The following ATP10B variants were observed in gnomAD, a reference collection of about 807,000 sequenced individuals.
ATP10B encodes phospholipid-transporting ATPase VB.
In ATP10B, 122 loss-of-function variants were observed where a neutral mutation model predicts 141.2. That is an observed-to-expected ratio of 0.86 (90% confidence interval 0.75 to 1.00). The LOEUF (loss-of-function observed/expected upper bound fraction) is 1.00. ATP10B is among the 50% of genes least tolerant of loss of function. The pLI is 0.00. For missense variants in ATP10B, 1,876 were observed against 1,825.3 expected (o/e 1.03, Z -0.51); for synonymous variants, 685 against 692.0 (o/e 0.99, Z 0.16).
At chr5:160,923,105 G>A in the ATP10B span, among the ~76,000 whole-genome samples, 3 of 152,220 alleles carry the variant, frequency 2.0e-5, no homozygotes, top group Non-Finnish European at 2.9e-5. Context: ...ATGAGCTGTG[G>A]CCAGGGCATG....
chr5:160,631,430 T>A (rs76002214), intron 13 of ATP10B, among the ~76,000 whole-genome samples: 1 of 152,142 alleles, frequency 6.6e-6, no homozygotes. Context: ...GAAAGGACAA[T>A]ACGCAGAAAG....
At chr5:160,697,259 T>C (rs552319325) in intron 3 of ATP10B, among the ~76,000 whole-genome samples, 3 of 152,268 alleles carry the variant, frequency 2.0e-5, no homozygotes, top group South Asian at 2.1e-4. Context: ...AGTTTTGTAG[T>C]GTGGACCTGC....
Position 160,565,100 on chromosome 5 carries a change from C to T in ATP10B, c.*353G>A, listed in dbSNP as rs972017920. On this transcript the variant is annotated 3_prime_UTR_variant, in exon 26 of 26. Coordinates refer to ENST00000327245, the MANE Select transcript of ATP10B (RefSeq NM_025153.3). ...AGATATTGCCTGGGTTGATACACTTCTTGAATCTTGGAAACTTACGGCACT... is the reference window on the plus strand; with the variant it reads ...AGATATTGCCTGGGTTGATACACTTTTTGAATCTTGGAAACTTACGGCACT... 1 of 237,040 alleles carries T rather than the reference C, an allele frequency of 4.2e-6. No individual in the cohort carries two copies. Among genetic ancestry groups the T allele is most frequent in the East Asian group, 9.9e-5 (1 of 10,096 alleles). The allele number at this position is 237,040 out of a possible 1,614,324, so 14.7% of individuals were successfully genotyped here.
chr5:160,913,746 C>A, the ATP10B span, among the ~76,000 whole-genome samples: 1 of 152,138 alleles, frequency 6.6e-6, no homozygotes, highest in Non-Finnish European at 1.5e-5. Flanking sequence ...AAACCTCGCA[C>A]TGATAACAAT....
chr5:160,786,179 T>C (rs1771133229), intron 1 of ATP10B, among the ~76,000 whole-genome samples: 1 of 152,052 alleles, frequency 6.6e-6, no homozygotes, highest in Non-Finnish European at 1.5e-5. Flanking sequence ...GTTCTGAAAC[T>C]TGTGTTGAAA....
intron 2 of ATP10B, among the ~76,000 whole-genome samples, chr5:160,744,796 G>T (rs115228911): frequency 6.6e-6 from 1 of 152,192 alleles, no homozygotes; most frequent in Non-Finnish European, 1.5e-5. Context: ...TTAAGTCTCC[G>T]TAGATAGTAA....
intron 1 of ATP10B, among the ~76,000 whole-genome samples, chr5:160,822,991 TATATATATAC>T (rs1162381146): frequency 0.034 from 2,622 of 77,974 alleles, 30 homozygotes; most frequent in African/African-American, 0.047. Flanking sequence ...TACATATACA[TATATATATAC>T]ATATATATAT....
At chr5:160,913,382 C>T in the ATP10B span, among the ~76,000 whole-genome samples, 2 of 152,174 alleles carry the variant, frequency 1.3e-5, no homozygotes, top group South Asian at 2.1e-4. Context: ...CCTCCTTCAG[C>T]ATTTTGTTGG....
chr5:160,723,806 T>C (rs930485127), intron 2 of ATP10B, among the ~76,000 whole-genome samples: 4 of 152,192 alleles, frequency 2.6e-5, no homozygotes, highest in African/African-American at 9.7e-5. Flanking sequence ...TTTTGCCTCC[T>C]GAGTCTGTGC....
chr5:160,628,258 A>C (rs1397266540), intron 13 of ATP10B, among the ~76,000 whole-genome samples: 1 of 152,196 alleles, frequency 6.6e-6, no homozygotes, highest in South Asian at 2.1e-4. Flanking sequence ...GTCAGTTCCC[A>C]CCTCTTGTGA....
At chr5:160,695,585 G>A (rs536417198) in intron 3 of ATP10B, among the ~76,000 whole-genome samples, 24 of 152,062 alleles carry the variant, frequency 1.6e-4, no homozygotes, top group African/African-American at 5.8e-4. Context: ...AGTCTTCTGT[G>A]GCTACAGTAA....
intron 21 of ATP10B, among the ~76,000 whole-genome samples, chr5:160,601,963 C>T (rs1384488684): frequency 1.3e-5 from 2 of 152,332 alleles, no homozygotes; most frequent in East Asian, 1.9e-4. Flanking sequence ...CACCCTCACT[C>T]TCCCAAGGCA....
At chr5:160,581,594 G>A (rs1380343524) in intron 24 of ATP10B, among the ~76,000 whole-genome samples, 2 of 152,206 alleles carry the variant, frequency 1.3e-5, no homozygotes, top group Admixed American at 1.3e-4. Context: ...TAGAATAAGT[G>A]TGATGTGGTG....
intron 24 of ATP10B, among the ~76,000 whole-genome samples, chr5:160,574,595 T>C (rs1424404470): frequency 6.6e-6 from 1 of 152,226 alleles, no homozygotes; most frequent in African/African-American, 2.4e-5. Flanking sequence ...ACTCATATGT[T>C]GGAACCTAAT....
At chr5:160,815,317 A>C (rs183601739) in intron 1 of ATP10B, among the ~76,000 whole-genome samples, 8 of 152,318 alleles carry the variant, frequency 5.3e-5, no homozygotes, top group South Asian at 2.1e-4. Flanking sequence ...GGAAAGCACA[A>C]AAAAAAGCAG....
chr5:160,774,259 T>C (rs979040980), intron 2 of ATP10B, among the ~76,000 whole-genome samples: 1 of 152,084 alleles, frequency 6.6e-6, no homozygotes, highest in Non-Finnish European at 1.5e-5. Context: ...GAGGACGGAG[T>C]TCTCCACAGG....
At chr5:160,659,242 G>C (rs943752355) in intron 7 of ATP10B, among the ~76,000 whole-genome samples, 1 of 152,082 alleles carries the variant, frequency 6.6e-6, no homozygotes, top group African/African-American at 2.4e-5. Flanking sequence ...GAGGAGGGTG[G>C]ATCACGAGGT....
At chr5:160,616,243 G>C (rs956176061) in intron 16 of ATP10B, among the ~76,000 whole-genome samples, 9 of 152,164 alleles carry the variant, frequency 5.9e-5, no homozygotes, top group African/African-American at 2.2e-4. Context: ...TGGAAGGTGA[G>C]GGGTATTATC....
chr5:160,717,182 A>G, intron 2 of ATP10B, 148 bp from the exon 3 acceptor site: 2 of 490,160 alleles, frequency 4.1e-6, no homozygotes, highest in Non-Finnish European at 5.3e-6. Context: ...GTAGAAAAAC[A>G]TGTGTGGAAA....
Sources: gnomAD v4.1 joint callset for allele counts (sites outside exome capture counted in the v4.1 genomes callset) on GRCh38, gnomAD v4.1.1 for gene constraint, MANE v1.5 for transcripts, NCBI Gene and HGNC (gene_info 2026-07-23, HGNC 2026-07-21) for gene names.